MROH2B: variants seen among roughly 807,000 people sequenced by gnomAD.
MROH2B encodes the protein maestro heat-like repeat-containing protein family member 2B.
MROH2B carries 177 observed loss-of-function variants against 208.6 expected under a neutral mutation model. The observed-to-expected ratio is 0.85, with a 90% CI of 0.75 to 0.96. MROH2B has a LOEUF of 0.96. MROH2B is among the 40% of genes least tolerant of loss of function. The pLI is 0.00. For missense variants in MROH2B, 2,002 were observed against 1,878.7 expected, an observed-to-expected ratio of 1.07 and a Z score of -1.21; for synonymous variants, 728 against 659.0, an observed-to-expected ratio of 1.10 and a Z score of -1.60.
chr5:41,068,326 C>G (rs1220252549), intron 2 of MROH2B, among the ~76,000 whole-genome samples: 1 of 152,170 alleles, frequency 6.6e-6, no homozygotes, highest in Non-Finnish European at 1.5e-5. Flanking sequence ...GCTCCATGTG[C>G]TTACTATCCT....
chr5:41,007,579 G>A, intron 33 of MROH2B, 125 bp from the exon 34 acceptor site: 1 of 910,922 alleles, frequency 1.1e-6, no homozygotes, highest in South Asian at 3.5e-5. Context: ...TTGTGTAAGG[G>A]AAAAACAGGC....
At chr5:41,005,356 TC>T (rs1741543220) in intron 35 of MROH2B, 174 bp downstream of exon 35, 4 of 572,042 alleles carry the variant, frequency 7.0e-6, no homozygotes, top group Non-Finnish European at 1.2e-5. Flanking sequence ...TATTTTCCTC[TC>T]TCACCCCCTG....
At chr5:41,018,541 C>T in intron 26 of MROH2B, 111 bp from the exon 27 acceptor site, 1 of 1,445,328 alleles carries the variant, frequency 6.9e-7, no homozygotes, top group South Asian at 1.3e-5. Context: ...CACCTCCCCA[C>T]AAACAATTTT....
At chr5:41,034,033 T>G in intron 21 of MROH2B, 169 bp from the exon 22 acceptor site, 1 of 984,984 alleles carries the variant, frequency 1.0e-6, no homozygotes, top group Non-Finnish European at 1.2e-6. Flanking sequence ...ACTTCTTCCA[T>G]TTTTAAAGTG....
intron 35 of MROH2B, 44 bp from the exon 36 acceptor site, chr5:41,004,964 C>T: frequency 1.3e-6 from 2 of 1,598,810 alleles, no homozygotes; most frequent in Non-Finnish European, 1.7e-6. Flanking sequence ...AAGGGCGTGG[C>T]CCCTCCTTCA....
At chr5:41,019,348 G>C (rs376120026) in intron 24 of MROH2B, among the ~76,000 whole-genome samples, 5 of 145,644 alleles carry the variant, frequency 3.4e-5, no homozygotes, top group East Asian at 2.0e-4. Flanking sequence ...GTGTGTGAGA[G>C]AGAGTGAGAA....
chr5:41,008,731 C>T lies in MROH2B; in HGVS notation c.3483G>A (p.Glu1161=), dbSNP rs946211317. The T allele has an allele frequency of 2.2e-5, 36 of 1,613,672 alleles. No homozygotes were observed. Among genetic ancestry groups the T allele is most frequent in the Non-Finnish European group, 3.1e-5 (36 of 1,179,834 alleles). ...MGTSVTGLYP[E]LFTLLLKLVS... is the part of the protein sequence containing the mutation. ...CCAGCTTCAGGAGGAGAGTGAACAG[C>T]TCTGGATACAAGCCGGTGACAGAGG... is the stretch of plus-strand genomic sequence containing the variant. The change falls in exon 33 of 42, where the codon GAG becomes GAA. Residue 1161 remains glutamate (E), a synonymous_variant. Transcript: ENST00000399564.
intron 28 of MROH2B, 41 bp downstream of exon 28, chr5:41,017,809 G>T: frequency 2.6e-6 from 4 of 1,545,544 alleles, no homozygotes; most frequent in Non-Finnish European, 2.6e-6. Flanking sequence ...AAGAAGATGG[G>T]TTTCTTTTCT....
intron 24 of MROH2B, among the ~76,000 whole-genome samples, chr5:41,030,788 T>C (rs2150165638): frequency 6.6e-6 from 1 of 152,206 alleles, no homozygotes; most frequent in East Asian, 1.9e-4. Flanking sequence ...TGGAACAGAA[T>C]AGAGAACCCA....
intron 39 of MROH2B, 73 bp from the exon 40 acceptor site, chr5:40,999,852 C>T (rs1012533203): frequency 2.9e-6 from 4 of 1,374,696 alleles, no homozygotes; most frequent in Non-Finnish European, 4.1e-6. Context: ...CCTATAGGTC[C>T]TCAGAACGGA....
chr5:40,998,864 T>G (rs550981429), intron 40 of MROH2B, among the ~76,000 whole-genome samples, 187 bp from the exon 41 acceptor site: 2 of 152,210 alleles, frequency 1.3e-5, no homozygotes, highest in African/African-American at 4.8e-5. Context: ...CCGAGTGCCA[T>G]GTCTGCAAGT....
At chr5:40,998,591 A>G in intron 41 of MROH2B, 21 bp downstream of exon 41, 1 of 1,571,176 alleles carries the variant, frequency 6.4e-7, no homozygotes, top group South Asian at 1.2e-5. Context: ...TATGCTGGGA[A>G]GAAACTAGGT....
chr5:41,000,411 AAAAAATGCTGAAT>A, intron 38 of MROH2B, 60 bp from the exon 39 acceptor site: 1 of 1,589,324 alleles, frequency 6.3e-7, no homozygotes, highest in Non-Finnish European at 8.6e-7. Context: ...TCCAGAAGGG[AAAAAATGCTGAAT>A]AGTACTGGGA....
intron 19 of MROH2B, 31 bp downstream of exon 19, chr5:41,042,061 A>G (rs754664202): frequency 2.4e-6 from 3 of 1,272,276 alleles, no homozygotes; most frequent in South Asian, 2.6e-5. Context: ...TGTTATCATC[A>G]TAAGAGGAAA....
Position 41,055,916 on chromosome 5 carries a change from A to C in MROH2B, c.920-61T>G. On this transcript the variant is annotated intron_variant, in intron 9 of 41. Transcript: ENST00000399564. ...TTTCATCCTAGGTAAAATACTTGTG[A>C]ATGGGAGGAGGGAAATTCACCATGA... The C allele has an allele frequency of 2.5e-6, 3 of 1,183,098 alleles. No homozygotes were observed. In the South Asian group the frequency reaches 3.7e-5, roughly 15 times the overall value. The allele number at this position is 1,183,098 out of a possible 1,614,324, so 73.3% of individuals were successfully genotyped here. A position where few individuals can be genotyped will look rare whatever the true frequency, so the allele number is the denominator to read the frequency against.
At chr5:41,032,938 T>G in intron 23 of MROH2B, 103 bp downstream of exon 23, 1 of 1,559,914 alleles carries the variant, frequency 6.4e-7, no homozygotes, top group Non-Finnish European at 8.7e-7. Flanking sequence ...CAGAGATCTG[T>G]TATGTGGGAC....
At position 41,012,630 on chromosome 5, in the gene MROH2B, A is replaced by G. The variant is rs751880105; in HGVS notation, c.3088T>C (p.Trp1030Arg). Residue 1030 changes from tryptophan (W) to arginine (R), a missense_variant, in exon 30 of 42, where the codon TGG (tryptophan) becomes CGG (arginine). Transcript: ENST00000399564. ...NPTCTKACGIWMITVLKQQGA... is the reference protein window; with the variant it reads ...NPTCTKACGIRMITVLKQQGA... ...TGCTGCTTCAGGACAGTGATCATCC[A>G]TATGCCACAGGCCTTTGTACAAGTG... is the stretch of plus-strand genomic sequence containing the variant. 1.2e-5 allele frequency: 20 copies of G among 1,613,672 alleles called. No homozygotes were observed. Among genetic ancestry groups the G allele is most frequent in the Non-Finnish European group, 1.5e-5 (18 of 1,179,754 alleles).
In MROH2B at chr5:40,998,116, C is replaced by G. The variant is rs1741265330; in HGVS notation, c.4694G>C (p.Arg1565Thr). ...LRQDPCISVQ[R>T]AAEAALQTLL... ...GGTTTGCAAAGCAGCCTCAGCTGCT[C>G]TCTGGACACTAATACACGGATCTTG... Residue 1565 changes from arginine to threonine, a missense_variant, in exon 42 of 42, where the codon AGA becomes ACA. Transcript: ENST00000399564. 2 of 1,612,586 alleles carry G rather than the reference C, an allele frequency of 1.2e-6. No individual in the cohort carries two copies. The highest frequency in any genetic ancestry group is 1.7e-6 in the Non-Finnish European group (2 of 1,178,792).
Position 41,042,184 on chromosome 5 carries a change from T to G in MROH2B, c.1861A>C (p.Thr621Pro). The change falls in exon 19 of 42, where the codon ACC (threonine) becomes CCC (proline). Residue 621 changes from threonine to proline, a missense_variant. Coordinates refer to ENST00000399564, the MANE Select transcript of MROH2B (RefSeq NM_173489.5). ...GAATCTTGGCAGCATGCTAAGGTGG[T>G]TCCCAAGGCTTTCCAAAGGAATTTC... ...EKKFLWKALGTTLACCQDSDF... is the reference protein window; with the variant it reads ...EKKFLWKALGPTLACCQDSDF... The G allele has an allele frequency of 6.3e-7, 1 of 1,578,004 alleles. No homozygotes were observed. Among genetic ancestry groups the G allele is most frequent in the Non-Finnish European group, 8.6e-7 (1 of 1,159,518 alleles).
Sources: allele counts gnomAD v4.1 joint callset (sites outside exome capture counted in the v4.1 genomes callset), GRCh38; gene constraint gnomAD v4.1.1; transcripts MANE v1.5; gene names NCBI Gene and HGNC (gene_info 2026-07-23, HGNC 2026-07-21).